The following TAPT1 variants were observed in gnomAD, a reference collection of about 807,000 sequenced individuals.
TAPT1 encodes transmembrane anterior posterior transformation 1, also known as transmembrane anterior posterior transformation protein 1 homolog.
TAPT1 carries 28 observed loss-of-function variants against 65.6 expected under a neutral mutation model. The observed-to-expected ratio is 0.43, with a 90% CI of 0.32 to 0.59. The LOEUF is 0.59. Among genes scored for constraint, TAPT1 ranks in the 20% least tolerant of loss-of-function variants. The pLI is 0.09. For synonymous variants in TAPT1, 278 were observed against 245.2 expected (o/e 1.13, Z -1.25); for missense variants, 563 against 679.9 (o/e 0.83, Z 1.91).
chr4:16,200,403 G>A (rs1162684724), intron 3 of TAPT1, among the ~76,000 whole-genome samples: 1 of 152,130 alleles, frequency 6.6e-6, no homozygotes, highest in African/African-American at 2.4e-5. Flanking sequence ...GCTCACTGCA[G>A]CCTTGACTTC....
intron 1 of TAPT1, among the ~76,000 whole-genome samples, chr4:16,221,299 G>C (rs1201930653): frequency 1.3e-5 from 2 of 151,144 alleles, no homozygotes; most frequent in Non-Finnish European, 3.0e-5. Context: ...CTAATTTTTT[G>C]TATTTTAGTA....
At chr4:16,217,724 A>G (rs561668064) in intron 1 of TAPT1, among the ~76,000 whole-genome samples, 1 of 152,390 alleles carries the variant, frequency 6.6e-6, no homozygotes, top group South Asian at 2.1e-4. Flanking sequence ...ACAAAAGAAG[A>G]GCATTCCAGA....
Position 16,174,219 on chromosome 4 carries a change from G to A in TAPT1, c.1221C>T (p.Leu407=), listed in dbSNP as rs1046006997. The change falls in exon 11 of 14, where the codon CTC becomes CTT. Residue 407 remains leucine (L), a synonymous_variant. Coordinates refer to ENST00000405303, the MANE Select transcript of TAPT1 (RefSeq NM_153365.3). ...ATGCACTTACTAAAACAGCTAGTGG[G>A]AGAGGAATAAAGCCCATCCTCCGTG... The part of the protein sequence containing the change: ...SVARRMGFIP[L]PLAVLLIRVV... The A allele has an allele frequency of 1.2e-6, 2 of 1,606,958 alleles. No homozygotes were observed. The highest frequency in any genetic ancestry group is 1.7e-6 in the Non-Finnish European group (2 of 1,176,660).
upstream of TAPT1, chr4:16,226,940 G>T: frequency 1.0e-5 from 4 of 395,144 alleles, no homozygotes; most frequent in Non-Finnish European, 2.0e-5. Context: ...TTGCAGACTC[G>T]GTGCCCGGAG....
At chr4:16,185,003 T>C (rs1748918513) in intron 7 of TAPT1, among the ~76,000 whole-genome samples, 2 of 152,316 alleles carry the variant, frequency 1.3e-5, no homozygotes, top group African/African-American at 4.8e-5. Flanking sequence ...TTACATTTAG[T>C]ACTTTTTGTG....
intron 7 of TAPT1, among the ~76,000 whole-genome samples, chr4:16,184,628 G>A (rs576784905): frequency 6.6e-6 from 1 of 152,282 alleles, no homozygotes; most frequent in South Asian, 2.1e-4. Context: ...CTAACTTGTG[G>A]CACTGTCAGG....
intron 2 of TAPT1, 41 bp from the exon 3 acceptor site, chr4:16,202,621 T>TA: frequency 9.2e-7 from 1 of 1,090,330 alleles, no homozygotes; most frequent in Non-Finnish European, 1.3e-6. Context: ...AAAAGTATTT[T>TA]AAAAATACTT....
Position 16,163,005 on chromosome 4 carries a change from C to A in TAPT1, c.*303G>T. The A allele has an allele frequency of 2.0e-6, 1 of 497,546 alleles. No individual in the cohort carries two copies. The highest frequency in any genetic ancestry group is 3.9e-6 in the Non-Finnish European group (1 of 254,510). The allele number at this position is 497,546 out of a possible 1,614,324, so 30.8% of individuals were successfully genotyped here. ...ATTCTGGAAGCCCAGACTGACAAAGCAAAACAGATTTTGATGTTGCCTTTG... is the reference window on the plus strand; with the variant it reads ...ATTCTGGAAGCCCAGACTGACAAAGAAAAACAGATTTTGATGTTGCCTTTG... On this transcript the variant is annotated 3_prime_UTR_variant, in exon 14 of 14. Coordinates refer to ENST00000405303, the MANE Select transcript of TAPT1 (RefSeq NM_153365.3).
intron 11 of TAPT1, among the ~76,000 whole-genome samples, chr4:16,173,394 G>A (rs1367314385): frequency 6.6e-6 from 1 of 151,970 alleles, no homozygotes; most frequent in African/African-American, 2.4e-5. Context: ...TTTCAGTAGT[G>A]CTTTTGAAAA....
At chr4:16,201,577 A>T (rs1750034603) in intron 3 of TAPT1, among the ~76,000 whole-genome samples, 1 of 152,232 alleles carries the variant, frequency 6.6e-6, no homozygotes, top group African/African-American at 2.4e-5. Flanking sequence ...ACACACCGGC[A>T]TAATTGTACA....
At chr4:16,202,332 T>TA (rs1313482633) in intron 3 of TAPT1, 130 bp downstream of exon 3, 9 of 483,032 alleles carry the variant, frequency 1.9e-5, no homozygotes, top group African/African-American at 1.8e-4. Flanking sequence ...ATTAAAAAGG[T>TA]AAACAGTTTA....
chr4:16,175,896 T>C (rs893801938), intron 9 of TAPT1, among the ~76,000 whole-genome samples: 1 of 152,218 alleles, frequency 6.6e-6, no homozygotes, highest in Non-Finnish European at 1.5e-5. Flanking sequence ...TTAGTGACAC[T>C]GTGACTTCGA....
chr4:16,171,979 A>T (rs1748023664), intron 11 of TAPT1, among the ~76,000 whole-genome samples: 2 of 152,164 alleles, frequency 1.3e-5, no homozygotes. Context: ...TTAAAGAATT[A>T]ACTTGTCACA....
Position 16,179,637 on chromosome 4 carries a change from T to A in TAPT1, c.937A>T (p.Asn313Tyr). 8 of 1,537,734 alleles carry A rather than the reference T, an allele frequency of 5.2e-6. No homozygotes were observed. Among genetic ancestry groups the A allele is most frequent in the Non-Finnish European group, 7.0e-6 (8 of 1,142,202 alleles). The change falls in exon 8 of 14, where the codon AAT becomes TAT. Residue 313 changes from asparagine (N) to tyrosine (Y), a missense_variant. Around this residue, in one of 5 missense-constraint regions of TAPT1, gnomAD observed 217 missense variants for 317.5 expected, o/e 0.68. Transcript: ENST00000405303. ...CACACTATCAGTAAAAGCACATAATTTGTGAATCGTTCCTTAATATCTAAA... is the reference window on the plus strand; with the variant it reads ...CACACTATCAGTAAAAGCACATAATATGTGAATCGTTCCTTAATATCTAAA... ...SNSDIKERFT[N>Y]YVLLLIVCLR...
chr4:16,227,035 A>G (rs1397308388), upstream of TAPT1: 6 of 453,894 alleles, frequency 1.3e-5, no homozygotes, highest in South Asian at 3.1e-5. Flanking sequence ...GACCCCCACG[A>G]GCGCCGGCCC....
intron 7 of TAPT1, among the ~76,000 whole-genome samples, chr4:16,185,055 T>C (rs1321564242): frequency 1.3e-5 from 2 of 152,148 alleles, no homozygotes; most frequent in African/African-American, 2.4e-5. Context: ...TTGTGAATGT[T>C]TTCTCCTATA....
intron 10 of TAPT1, 117 bp from the exon 11 acceptor site, chr4:16,174,389 A>C (rs1486290474): frequency 3.5e-6 from 3 of 864,040 alleles, no homozygotes; most frequent in Non-Finnish European, 5.4e-6. Context: ...GAGCAAGAAC[A>C]GAACCTGGCA....
At chr4:16,194,968 G>T (rs1749613884) in intron 3 of TAPT1, among the ~76,000 whole-genome samples, 1 of 151,938 alleles carries the variant, frequency 6.6e-6, no homozygotes. Flanking sequence ...CTGACCTCAG[G>T]TGATCCACCG....
intron 12 of TAPT1, among the ~76,000 whole-genome samples, chr4:16,169,666 G>A (rs981716060): frequency 3.9e-5 from 6 of 152,220 alleles, no homozygotes; most frequent in South Asian, 2.1e-4. Context: ...GCCTGAGCCC[G>A]CTACTGCAGG....
Sources: allele counts gnomAD v4.1 joint callset (sites outside exome capture counted in the v4.1 genomes callset), GRCh38; gene constraint gnomAD v4.1.1; regional missense constraint gnomAD v4.1.1; transcripts MANE v1.5; gene names NCBI Gene and HGNC (gene_info 2026-07-23, HGNC 2026-07-21).